AVPR1B: variants seen among roughly 807,000 people sequenced by gnomAD.
The protein encoded by AVPR1B is vasopressin V1b receptor.
Under a neutral mutation model 27.5 loss-of-function variants are expected in AVPR1B, and 25 were observed. That is an observed-to-expected ratio of 0.91 (90% CI 0.66 to 1.27). The LOEUF is 1.27. Among genes scored for constraint, AVPR1B ranks in the 50% most tolerant of loss-of-function variants. The pLI is 0.00. For synonymous variants in AVPR1B, 248 were observed against 240.2 expected (o/e 1.03, Z -0.30); for missense variants, 595 against 556.9 (o/e 1.07, Z -0.69).
Position 206,116,243 on chromosome 1 carries a change from C to G in AVPR1B, c.648G>C (p.Thr216=). ...AIFVLPVTML[T]ACYSLICHEI... ...CATGGCAGATGAGGCTGTAGCAGGCCGTGAGCATGGTCACCGGCAGAACGA... is the reference window on the plus strand; with the variant it reads ...CATGGCAGATGAGGCTGTAGCAGGCGGTGAGCATGGTCACCGGCAGAACGA... Residue 216 remains threonine (T), a synonymous_variant, in exon 1 of 2, where the codon ACG becomes ACC. Transcript: ENST00000367126. The G allele has an allele frequency of 1.9e-6, 3 of 1,613,734 alleles. No individual in the cohort carries two copies. Among genetic ancestry groups the G allele is most frequent in the South Asian group, 1.1e-5 (1 of 91,084 alleles).
Position 206,116,200 on chromosome 1 carries a change from T to C in AVPR1B, c.691A>G (p.Lys231Glu). The C allele has an allele frequency of 6.2e-7, 1 of 1,613,996 alleles. No individual in the cohort carries two copies. The highest frequency in any genetic ancestry group is 8.5e-7 in the Non-Finnish European group (1 of 1,180,024). Residue 231 changes from lysine to glutamate, a missense_variant, in exon 1 of 2, where the codon AAA (lysine) becomes GAA (glutamate). Transcript: ENST00000367126. ...ACCCGCCAGGCCTGTGTCTTGACTT[T>C]TAGGTTTTTACAGATCTCATGGCAG... is the stretch of plus-strand genomic sequence containing the variant. ...LICHEICKNL[K>E]VKTQAWRVGG...
chr1:206,110,450 G>T lies in AVPR1B; in HGVS notation c.1014C>A (p.Tyr338Ter), dbSNP rs1200213737. The T allele has an allele frequency of 6.2e-7, 1 of 1,614,086 alleles. No individual in the cohort carries two copies. The highest frequency in any genetic ancestry group is 8.5e-7 in the Non-Finnish European group (1 of 1,179,984). Residue 338 changes from tyrosine (Y) to a stop codon, truncating the protein, a stop_gained, in exon 2 of 2, where the codon TAC (tyrosine) becomes TAA (stop). Coordinates refer to ENST00000367126, the MANE Select transcript of AVPR1B (RefSeq NM_000707.5). LOFTEE classifies it high-confidence loss of function. ...GTAACAGGTGGCTGTTGAAGCCCAT[G>T]TAGATCCAGGGGTTGCAGCAGCTGT... is the stretch of plus-strand genomic sequence containing the variant. ...NLNSCCNPWI[Y>*]MGFNSHLLPR...
chr1:206,116,301 C>T lies in AVPR1B; in HGVS notation c.590G>A (p.Arg197Gln), dbSNP rs1287040763. The T allele has an allele frequency of 2.1e-5, 34 of 1,613,434 alleles. No individual in the cohort carries two copies. The highest frequency in any genetic ancestry group is 5.3e-5 in the African/African-American group (4 of 74,938). The change falls in exon 1 of 2, where the codon CGG becomes CAG. Residue 197 changes from arginine (R) to glutamine (Q), a missense_variant. Transcript: ENST00000367126. ...CAGGGTGGTCCAGGTGAGGTAGGCC[C>T]GTGGCCCCCAAGGGAAGCCGAAGTC... ...WADFGFPWGP[R>Q]AYLTWTTLAI...
In AVPR1B at chr1:206,116,482, A is replaced by AG. The variant is rs1491398743; in HGVS notation, c.408dup (p.Cys137LeufsTer89). On this transcript the variant is annotated frameshift_variant, in exon 1 of 2. Coordinates refer to ENST00000367126, the MANE Select transcript of AVPR1B (RefSeq NM_000707.5). LOFTEE classifies it high-confidence loss of function. ...TGCTGGAGGCTGCGCAGGGGGTGAC[A>AG]GACAGCCAGGTAGCGGTCCAGCGTC... is the stretch of plus-strand genomic sequence containing the variant. The AG allele has an allele frequency of 6.2e-7, 1 of 1,613,952 alleles. No individual in the cohort carries two copies. The highest frequency in any genetic ancestry group is 1.3e-5 in the African/African-American group (1 of 75,054).
chr1:206,113,136 A>T (rs1553290062), intron 1 of AVPR1B, among the ~76,000 whole-genome samples: 1 of 152,206 alleles, frequency 6.6e-6, no homozygotes, highest in Non-Finnish European at 1.5e-5. Flanking sequence ...GGTTTGGCTC[A>T]CGTGAGCCAG....
Position 206,116,195 on chromosome 1 carries a change from G to T in AVPR1B, c.696C>A (p.Val232=). The stretch of plus-strand genomic sequence containing the variant: ...CTCCCACCCGCCAGGCCTGTGTCTT[G>T]ACTTTTAGGTTTTTACAGATCTCAT... The part of the protein sequence containing the change: ...ICHEICKNLK[V]KTQAWRVGGG... Residue 232 remains valine (V), a synonymous_variant, in exon 1 of 2, where the codon GTC becomes GTA. Transcript: ENST00000367126. The T allele has an allele frequency of 1.2e-6, 2 of 1,610,752 alleles. No individual in the cohort carries two copies. Among genetic ancestry groups the T allele is most frequent in the Non-Finnish European group, 1.7e-6 (2 of 1,178,488 alleles).
At chr1:206,112,884 A>G (rs1553290021) in intron 1 of AVPR1B, among the ~76,000 whole-genome samples, 3 of 152,180 alleles carry the variant, frequency 2.0e-5, no homozygotes, top group African/African-American at 7.2e-5. Flanking sequence ...CTTTATAACA[A>G]TGCAAATGGA....
At chr1:206,114,629 T>G (rs1369665331) in intron 1 of AVPR1B, among the ~76,000 whole-genome samples, 1 of 152,218 alleles carries the variant, frequency 6.6e-6, no homozygotes, top group Non-Finnish European at 1.5e-5. Context: ...ATGTGCCAAC[T>G]GTAGCACAGT....
rs1571885860 is a variant in AVPR1B at position 206,117,321 on chromosome 1, G to C, written c.-431C>G. 6.2e-6 allele frequency: 1 copy of C among 160,706 alleles called. No homozygotes were observed. Among genetic ancestry groups the C allele is most frequent in the East Asian group, 1.9e-4 (1 of 5,336 alleles). 10.0% of individuals were successfully genotyped at this position (160,706 alleles called of 1,614,324 possible). A position where few individuals can be genotyped will look rare whatever the true frequency, so the allele number is the denominator to read the frequency against. On this transcript the variant is annotated 5_prime_UTR_variant, in exon 1 of 2. Transcript: ENST00000367126. ...TTGGAGGCGCGGTCCGGGGCAGTCG[G>C]TGTCGCGCTCAGGGCAGGAAGCCCC... is the stretch of plus-strand genomic sequence containing the variant.
chr1:206,115,900 C>T (rs782351635), intron 1 of AVPR1B, 51 bp downstream of exon 1: 4 of 1,529,392 alleles, frequency 2.6e-6, no homozygotes, highest in Non-Finnish European at 8.8e-7. Context: ...AATCCCCCAT[C>T]CTCTCTTTCT....
At chr1:206,112,600 G>A (rs1553289978) in intron 1 of AVPR1B, among the ~76,000 whole-genome samples, 1 of 152,122 alleles carries the variant, frequency 6.6e-6, no homozygotes, top group East Asian at 1.9e-4. Flanking sequence ...TTCTACTTCA[G>A]CATCCTCGGT....
At position 206,110,363 on chromosome 1, in the gene AVPR1B, G is replaced by A; in HGVS notation, c.1101C>T (p.Leu367=). Residue 367 remains leucine (L), a synonymous_variant, in exon 2 of 2, where the codon CTC becomes CTT. Coordinates refer to ENST00000367126, the MANE Select transcript of AVPR1B (RefSeq NM_000707.5). ...GGCGGCTCGAGAGGCTGCCGTCGGAGAGCCGCCGGCGCATCCTGGGCTGGG... is the reference window on the plus strand; with the variant it reads ...GGCGGCTCGAGAGGCTGCCGTCGGAAAGCCGCCGGCGCATCCTGGGCTGGG... The part of the protein sequence containing the change: ...GGPQPRMRRR[L]SDGSLSSRHT... The A allele has an allele frequency of 6.2e-7, 1 of 1,609,790 alleles. No homozygotes were observed. Among genetic ancestry groups the A allele is most frequent in the Non-Finnish European group, 8.5e-7 (1 of 1,178,536 alleles).
chr1:206,115,304 G>A (rs1553290327), intron 1 of AVPR1B, among the ~76,000 whole-genome samples: 1 of 151,978 alleles, frequency 6.6e-6, no homozygotes, highest in East Asian at 1.9e-4. Context: ...ACAGAGCTTA[G>A]CCCACTCTCC....
In AVPR1B at chr1:206,116,634, A is replaced by C; in HGVS notation, c.257T>G (p.Phe86Cys). ...LALTDLAVAL[F>C]QVLPQLLWDI... ...CCACAGCAGCTGTGGCAGCACCTGGAAGAGCGCCACGGCCAGGTCTGTCAG... is the reference window on the plus strand; with the variant it reads ...CCACAGCAGCTGTGGCAGCACCTGGCAGAGCGCCACGGCCAGGTCTGTCAG... Residue 86 changes from phenylalanine to cysteine, a missense_variant, in exon 1 of 2, where the codon TTC becomes TGC. By Grantham distance (205) the Phe-to-Cys change is radical. Coordinates refer to ENST00000367126, the MANE Select transcript of AVPR1B (RefSeq NM_000707.5). 1 of 1,613,816 alleles carries C rather than the reference A, an allele frequency of 6.2e-7. No homozygotes were observed. The highest frequency in any genetic ancestry group is 8.5e-7 in the Non-Finnish European group (1 of 1,179,900).
At position 206,116,925 on chromosome 1, in the gene AVPR1B, G is replaced by A. The variant is rs1281722084; in HGVS notation, c.-35C>T. The A allele has an allele frequency of 5.8e-6, 9 of 1,554,528 alleles. No individual in the cohort carries two copies. The highest frequency in any genetic ancestry group is 4.1e-5 in the African/African-American group (3 of 73,630). ...TTGCTGGGAGGGAAGGATGAAGGGA[G>A]GGTGTGGATGCAAGTGGAGAGGTTT... On this transcript the variant is annotated 5_prime_UTR_variant, in exon 1 of 2. Coordinates refer to ENST00000367126, the MANE Select transcript of AVPR1B (RefSeq NM_000707.5).
Position 206,108,800 on chromosome 1 carries a change from G to C in AVPR1B, c.*1389C>G, listed in dbSNP as rs975294131. Among the ~76,000 whole-genome samples, 1 of 152,186 alleles carries C rather than the reference G, an allele frequency of 6.6e-6. No homozygotes were observed. Among genetic ancestry groups the C allele is most frequent in the Non-Finnish European group, 1.5e-5 (1 of 68,034 alleles). ...TTGGGGAAGCTATGCCATGATAAAAGTCCCCTGGAGATAATGAGCATGTGC... is the reference window on the plus strand; with the variant it reads ...TTGGGGAAGCTATGCCATGATAAAACTCCCCTGGAGATAATGAGCATGTGC... On this transcript the variant is annotated 3_prime_UTR_variant, in exon 2 of 2. Transcript: ENST00000367126.
At chr1:206,115,159 AG>A in intron 1 of AVPR1B, among the ~76,000 whole-genome samples, 1 of 152,354 alleles carries the variant, frequency 6.6e-6, no homozygotes, top group South Asian at 2.1e-4. Context: ...CAAGTGCACA[AG>A]GGCCAAAGTA....
rs782414626 is a variant in AVPR1B, at chr1:206,116,360, C to A, written c.531G>T (p.Val177=). ...AGTCCAGCACCCCTGAGCCCTGGAT[C>A]ACCTCCCGCAGGGAAAAAATGAAGA... is the stretch of plus-strand genomic sequence containing the variant. ...PQVFIFSLRE[V]IQGSGVLDCW... is the part of the protein sequence containing the mutation. Residue 177 remains valine, a synonymous_variant, in exon 1 of 2, where the codon GTG becomes GTT. Coordinates refer to ENST00000367126, the MANE Select transcript of AVPR1B (RefSeq NM_000707.5). 16 of 1,613,536 alleles carry A rather than the reference C, an allele frequency of 9.9e-6. No individual in the cohort carries two copies. Among genetic ancestry groups the A allele is most frequent in the Non-Finnish European group, 1.4e-5 (16 of 1,180,050 alleles).
rs1048403547 is a variant in AVPR1B at position 206,109,228 on chromosome 1, A to G, written c.*961T>C. 2.0e-5 allele frequency among the ~76,000 whole-genome samples: 3 copies of G among 152,170 alleles called. No homozygotes were observed. ...CTGGATCACAGCATCCATATGGTTC[A>G]TGGTGGAAGCTCTGAAGAGCCTGGA... On this transcript the variant is annotated 3_prime_UTR_variant, in exon 2 of 2. Coordinates refer to ENST00000367126, the MANE Select transcript of AVPR1B (RefSeq NM_000707.5).
Sources: gnomAD v4.1 joint callset for allele counts (sites outside exome capture counted in the v4.1 genomes callset) on GRCh38, gnomAD v4.1.1 for gene constraint, MANE v1.5 for transcripts, NCBI Gene and HGNC (gene_info 2026-07-23, HGNC 2026-07-21) for gene names.